NCOA2: variants seen among roughly 807,000 people sequenced by gnomAD.
NCOA2 encodes the protein nuclear receptor coactivator 2, also known as class E basic helix-loop-helix protein 75.
NCOA2 carries 21 observed loss-of-function variants against 145.1 expected under a neutral mutation model. That is an observed-to-expected ratio of 0.14 (90% CI 0.10 to 0.21). The LOEUF (loss-of-function observed/expected upper bound fraction) is 0.21. Ranked by LOEUF, NCOA2 falls within the 10% of genes least tolerant of loss-of-function variation. NCOA2 has a pLI of 1.00. For missense variants in NCOA2, 1,472 were observed against 1,837.6 expected, an observed-to-expected ratio of 0.80 and a Z score of 3.64; for synonymous variants, 619 against 637.5, an observed-to-expected ratio of 0.97 and a Z score of 0.44.
At chr8:70,121,836 T>G (rs1217978500) in intron 21 of NCOA2, among the ~76,000 whole-genome samples, 1 of 152,256 alleles carries the variant, frequency 6.6e-6, no homozygotes, top group African/African-American at 2.4e-5. Flanking sequence ...AGTGCTGGAC[T>G]TTGTCAATTT....
intron 1 of NCOA2, among the ~76,000 whole-genome samples, chr8:70,306,926 T>G (rs1041298305): frequency 2.6e-5 from 4 of 152,080 alleles, no homozygotes; most frequent in South Asian, 2.1e-4. Context: ...GTTAAGCAAT[T>G]TACTCAAGTT....
intron 1 of NCOA2, among the ~76,000 whole-genome samples, chr8:70,309,170 C>G (rs1366987717): frequency 6.6e-6 from 1 of 152,134 alleles, no homozygotes; most frequent in Non-Finnish European, 1.5e-5. Flanking sequence ...CAGGCCCCAT[C>G]TATTATAGCC....
the NCOA2 span, among the ~76,000 whole-genome samples, chr8:70,411,107 G>A: frequency 6.6e-6 from 1 of 152,130 alleles, no homozygotes; most frequent in Non-Finnish European, 1.5e-5. Flanking sequence ...AAAAAACCGG[G>A]TAAGAGGGAA....
chr8:70,347,417 G>A (rs1159304682), intron 1 of NCOA2, among the ~76,000 whole-genome samples: 1 of 151,876 alleles, frequency 6.6e-6, no homozygotes, highest in Non-Finnish European at 1.5e-5. Context: ...CCCAGGGGGC[G>A]GAGGTTGCAG....
At chr8:70,139,916 G>A (rs1386234442) in intron 14 of NCOA2, among the ~76,000 whole-genome samples, 2 of 152,000 alleles carry the variant, frequency 1.3e-5, no homozygotes, top group African/African-American at 2.4e-5. Context: ...GCCTCCCACA[G>A]TGCCTGGCAT....
At chr8:70,209,968 T>C (rs1818843109) in intron 4 of NCOA2, among the ~76,000 whole-genome samples, 1 of 152,220 alleles carries the variant, frequency 6.6e-6, no homozygotes, top group African/African-American at 2.4e-5. Flanking sequence ...TTGCTATCTG[T>C]TTCCATGACT....
At chr8:70,440,652 G>A in the NCOA2 span, among the ~76,000 whole-genome samples, 5 of 128,004 alleles carry the variant, frequency 3.9e-5, no homozygotes, top group East Asian at 2.0e-4. Flanking sequence ...GAGAGAGAGA[G>A]AAAAGAAAGA....
chr8:70,388,330 AT>A (rs1301784646), intron 1 of NCOA2, among the ~76,000 whole-genome samples: 2 of 152,190 alleles, frequency 1.3e-5, no homozygotes, highest in Non-Finnish European at 2.9e-5. Flanking sequence ...ACATACTATA[AT>A]ATTTTCTGTC....
chr8:70,395,596 G>A (rs1813585449), intron 1 of NCOA2, among the ~76,000 whole-genome samples: 1 of 152,118 alleles, frequency 6.6e-6, no homozygotes. Flanking sequence ...CATATTAACA[G>A]TACAATTAGA....
intron 1 of NCOA2, among the ~76,000 whole-genome samples, chr8:70,382,839 G>A (rs1434697567): frequency 6.6e-6 from 1 of 152,144 alleles, no homozygotes; most frequent in East Asian, 1.9e-4. Context: ...AGGATCAGCC[G>A]TGTTAATAAT....
intron 6 of NCOA2, among the ~76,000 whole-genome samples, chr8:70,168,203 C>A (rs1405654842): frequency 6.6e-6 from 1 of 152,120 alleles, no homozygotes; most frequent in East Asian, 1.9e-4. Flanking sequence ...AGGAAACAAA[C>A]CCTCGAAAGG....
chr8:70,420,865 G>A, the NCOA2 span, among the ~76,000 whole-genome samples: 2 of 151,988 alleles, frequency 1.3e-5, no homozygotes, highest in Non-Finnish European at 2.9e-5. Flanking sequence ...GGATGGTCTC[G>A]ATCTCTTGAC....
chr8:70,124,372 T>G (rs548995707), intron 20 of NCOA2, among the ~76,000 whole-genome samples: 1 of 152,084 alleles, frequency 6.6e-6, no homozygotes, highest in African/African-American at 2.4e-5. Flanking sequence ...TTTTTTTTTT[T>G]TAAAGTCTTT....
chr8:70,274,298 T>A (rs1412702385), intron 2 of NCOA2, among the ~76,000 whole-genome samples: 7 of 152,180 alleles, frequency 4.6e-5, no homozygotes, highest in Non-Finnish European at 1.0e-4. Flanking sequence ...GGTGGTTCTC[T>A]GATACATATG....
In NCOA2 at chr8:70,159,665, A is replaced by G. The variant is rs893758713; in HGVS notation, c.977-13T>C. The G allele has an allele frequency of 6.2e-7, 1 of 1,600,198 alleles. No homozygotes were observed. The highest frequency in any genetic ancestry group is 1.3e-5 in the African/African-American group (1 of 74,724). On this transcript the variant is annotated splice_polypyrimidine_tract_variant and intron_variant, in intron 9 of 22. Transcript: ENST00000452400. Reference sequence around the variant, plus strand: ...CCTTGTCTCAGTACTGCAGGCAAGCAAGGAAACAGAAGGCACGTTTAGAAA... The same window carrying G: ...CCTTGTCTCAGTACTGCAGGCAAGCGAGGAAACAGAAGGCACGTTTAGAAA...
At chr8:70,247,429 C>T (rs527785462) in intron 2 of NCOA2, among the ~76,000 whole-genome samples, 3 of 152,126 alleles carry the variant, frequency 2.0e-5, no homozygotes, top group Non-Finnish European at 2.9e-5. Context: ...ATTTTTACCA[C>T]CACCTAAATA....
chr8:70,264,276 G>T (rs1200970941), intron 2 of NCOA2, among the ~76,000 whole-genome samples: 6 of 151,628 alleles, frequency 4.0e-5, no homozygotes, highest in Non-Finnish European at 5.9e-5. Flanking sequence ...CCGCCACTTT[G>T]GGAGGCTGAG....
chr8:70,387,041 G>C (rs1186159780), intron 1 of NCOA2, among the ~76,000 whole-genome samples: 2 of 152,120 alleles, frequency 1.3e-5, no homozygotes, highest in African/African-American at 4.8e-5. Flanking sequence ...CTCCCAAGTA[G>C]CTGGGTTAAT....
chr8:70,382,326 C>G (rs1056370747), intron 1 of NCOA2, among the ~76,000 whole-genome samples: 23 of 152,112 alleles, frequency 1.5e-4, no homozygotes, highest in Admixed American at 1.4e-3. Flanking sequence ...TCGAAGATCA[C>G]TTTTCCCAAT....
Sources: gnomAD v4.1 joint callset for allele counts (sites outside exome capture counted in the v4.1 genomes callset) on GRCh38, gnomAD v4.1.1 for gene constraint, MANE v1.5 for transcripts, NCBI Gene and HGNC (gene_info 2026-07-23, HGNC 2026-07-21) for gene names.